The following PRRX1 variants were observed in gnomAD, a reference collection of about 807,000 sequenced individuals.
PRRX1 encodes the protein paired related homeobox 1, also known as paired mesoderm homeobox protein 1.
PRRX1 carries 8 observed loss-of-function variants against 24.0 expected under a neutral mutation model. That is an observed-to-expected ratio of 0.33 (90% CI 0.20 to 0.60). The LOEUF (loss-of-function observed/expected upper bound fraction) is 0.60, where lower values mean the gene tolerates loss of function less well. Ranked by LOEUF, PRRX1 falls within the 20% of genes least tolerant of loss-of-function variation. PRRX1 has a pLI of 0.82. For missense variants in PRRX1, 281 were observed against 322.4 expected, an observed-to-expected ratio of 0.87 and a Z score of 0.98; for synonymous variants, 160 against 131.7, an observed-to-expected ratio of 1.22 and a Z score of -1.47.
At chr1:170,669,200 G>C (rs889621611) in intron 1 of PRRX1, 1 of 151,864 alleles carries the variant, frequency 6.6e-6, no homozygotes, top group Non-Finnish European at 1.5e-5. Flanking sequence ...CCATGTTTCA[G>C]AGCATCTCTC....
In PRRX1 at chr1:170,738,966, A is replaced by G. The variant is rs114604454; in HGVS notation, c.*2780A>G. 5.3e-4 allele frequency: 120 copies of G among 226,040 alleles called. No homozygotes were observed. Among genetic ancestry groups the G allele is most frequent in the African/African-American group, 2.6e-3 (116 of 45,086 alleles). 14.0% of individuals were successfully genotyped at this position (226,040 alleles called of 1,614,324 possible). ...CATGTATTATCTAAGCACTTGATCA[A>G]GAAATATACATGTTGTACAAGCTCT... On this transcript the variant is annotated 3_prime_UTR_variant, in exon 4 of 4. Coordinates refer to ENST00000239461, the MANE Select transcript of PRRX1 (RefSeq NM_022716.4).
chr1:170,688,218 A>C (rs1283707506), intron 1 of PRRX1, among the ~76,000 whole-genome samples: 1 of 152,102 alleles, frequency 6.6e-6, no homozygotes, highest in Non-Finnish European at 1.5e-5. Flanking sequence ...AAGCAGTATA[A>C]AATAAGAATG....
At chr1:170,713,448 C>T (rs975104252) in intron 1 of PRRX1, among the ~76,000 whole-genome samples, 1 of 152,152 alleles carries the variant, frequency 6.6e-6, no homozygotes, top group African/African-American at 2.4e-5. Context: ...ATTGTGTTAA[C>T]ATTTTTGGCG....
At chr1:170,665,700 T>C (rs1440945015) in intron 1 of PRRX1, among the ~76,000 whole-genome samples, 1 of 152,238 alleles carries the variant, frequency 6.6e-6, no homozygotes, top group East Asian at 1.9e-4. Flanking sequence ...CCGGGCACAG[T>C]GGTGGCCCCG....
At chr1:170,713,697 C>T (rs1355166362) in intron 1 of PRRX1, among the ~76,000 whole-genome samples, 1 of 152,194 alleles carries the variant, frequency 6.6e-6, no homozygotes, top group Non-Finnish European at 1.5e-5. Context: ...TTTCACACTT[C>T]TTAGAGCATT....
intron 1 of PRRX1, 55 bp from the exon 2 acceptor site, chr1:170,719,671 A>C: frequency 3.2e-6 from 5 of 1,576,964 alleles, no homozygotes; most frequent in Non-Finnish European, 4.4e-6. Flanking sequence ...AAAAAGTCTT[A>C]ACTGGGACTC....
chr1:170,682,857 G>T (rs1268527754), intron 1 of PRRX1, among the ~76,000 whole-genome samples: 1 of 152,230 alleles, frequency 6.6e-6, no homozygotes, highest in African/African-American at 2.4e-5. Context: ...GAATATGAAA[G>T]AAAAGAAGGA....
At chr1:170,676,917 C>T (rs1459713438) in intron 1 of PRRX1, among the ~76,000 whole-genome samples, 1 of 152,136 alleles carries the variant, frequency 6.6e-6, no homozygotes, top group African/African-American at 2.4e-5. Flanking sequence ...GTGACTGCTG[C>T]ACCTATCTTC....
intron 3 of PRRX1, among the ~76,000 whole-genome samples, chr1:170,729,478 G>T (rs1039425305): frequency 6.6e-6 from 1 of 152,156 alleles, no homozygotes; most frequent in Admixed American, 6.5e-5. Flanking sequence ...AGAATTTTGG[G>T]TTGGAAAATA....
intron 2 of PRRX1, among the ~76,000 whole-genome samples, chr1:170,723,788 G>C (rs1039619882): frequency 6.6e-6 from 1 of 152,170 alleles, no homozygotes; most frequent in Non-Finnish European, 1.5e-5. Context: ...ATAGGGTATA[G>C]CTTATTGCTC....
intron 2 of PRRX1, 100 bp downstream of exon 2, chr1:170,720,001 C>A: frequency 6.9e-7 from 1 of 1,458,334 alleles, no homozygotes; most frequent in South Asian, 1.2e-5. Flanking sequence ...AGCACAGTGG[C>A]TCATGCCTGC....
At chr1:170,711,735 A>G (rs1654759810) in intron 1 of PRRX1, among the ~76,000 whole-genome samples, 1 of 151,874 alleles carries the variant, frequency 6.6e-6, no homozygotes, top group Non-Finnish European at 1.5e-5. Flanking sequence ...CCTCAGCAGA[A>G]GAAGACAAGA....
At chr1:170,678,015 G>C (rs1008675880) in intron 1 of PRRX1, among the ~76,000 whole-genome samples, 1 of 152,102 alleles carries the variant, frequency 6.6e-6, no homozygotes, top group African/African-American at 2.4e-5. Flanking sequence ...CTGTCCTATA[G>C]TGCCTCTAAC....
intron 1 of PRRX1, among the ~76,000 whole-genome samples, chr1:170,669,668 C>A (rs1260590586): frequency 1.3e-5 from 2 of 152,014 alleles, no homozygotes; most frequent in Non-Finnish European, 2.9e-5. Flanking sequence ...ACCACCATCG[C>A]AGACCCCTAA....
rs1655640054 is a variant in PRRX1, at chr1:170,737,173, T to C, written c.*987T>C. On this transcript the variant is annotated 3_prime_UTR_variant, in exon 4 of 4. Transcript: ENST00000239461. ...TATATATTTATATATATATTTCATA[T>C]ATATATATAATATTGCAAGCTTAAG... The C allele has an allele frequency of 6.2e-6, 1 of 162,292 alleles. No individual in the cohort carries two copies. The highest frequency in any genetic ancestry group is 1.3e-5 in the Non-Finnish European group (1 of 75,136). 10.1% of individuals were successfully genotyped at this position (162,292 alleles called of 1,614,324 possible).
intron 1 of PRRX1, among the ~76,000 whole-genome samples, chr1:170,707,184 G>T (rs1033289869): frequency 6.6e-6 from 1 of 151,872 alleles, no homozygotes; most frequent in Non-Finnish European, 1.5e-5. Flanking sequence ...AAAGAAAATT[G>T]TAATAATCCT....
chr1:170,701,497 C>T (rs1654357810), intron 1 of PRRX1, among the ~76,000 whole-genome samples: 2 of 152,292 alleles, frequency 1.3e-5, no homozygotes, highest in Admixed American at 6.5e-5. Flanking sequence ...TTGTGGGCAT[C>T]TGATCATTCC....
Position 170,726,217 on chromosome 1 carries a change from C to T in PRRX1, c.418-3C>T, listed in dbSNP as rs778995151. On this transcript the variant is annotated splice_region_variant and splice_polypyrimidine_tract_variant and intron_variant, in intron 2 of 3. Transcript: ENST00000239461. ...GCCTTCTTGCCTCCTAACAATCCTC[C>T]AGGTGTGGTTTCAGAACCGAAGAGC... The T allele has an allele frequency of 8.1e-6, 13 of 1,613,206 alleles. No individual in the cohort carries two copies. The highest frequency in any genetic ancestry group is 3.3e-5 in the Admixed American group (2 of 59,974).
chr1:170,671,983 A>T (rs1653159172), intron 1 of PRRX1, among the ~76,000 whole-genome samples: 1 of 152,218 alleles, frequency 6.6e-6, no homozygotes, highest in Admixed American at 6.5e-5. Context: ...AAGCCCTCAC[A>T]GTGCCTGGAG....
Sources: gnomAD v4.1 joint callset for allele counts (sites outside exome capture counted in the v4.1 genomes callset) on GRCh38, gnomAD v4.1.1 for gene constraint, MANE v1.5 for transcripts, NCBI Gene and HGNC (gene_info 2026-07-23, HGNC 2026-07-21) for gene names.